Variants in PLCB1 observed in about 807,000 individuals in gnomAD.
PLCB1 encodes the protein 1-phosphatidylinositol 4,5-bisphosphate phosphodiesterase beta-1.
In PLCB1, 46 loss-of-function variants were observed where a neutral mutation model predicts 161.8. The ratio of observed to expected loss-of-function variants is 0.28; its 90% CI spans 0.22 to 0.36. PLCB1 has a LOEUF of 0.36. Ranked by LOEUF, PLCB1 falls within the 10% of genes least tolerant of loss-of-function variation. The pLI is 1.00. For missense variants in PLCB1, 1,016 were observed against 1,472.5 expected, an observed-to-expected ratio of 0.69 and a Z score of 5.07; for synonymous variants, 517 against 503.7, an observed-to-expected ratio of 1.03 and a Z score of -0.35.
intron 2 of PLCB1, among the ~76,000 whole-genome samples, chr20:8,247,641 A>AAC (rs113727213): frequency 0.065 from 9,565 of 147,290 alleles, 450 homozygotes; most frequent in African/African-American, 0.14. Flanking sequence ...CATACACGCA[A>AAC]ACACACACAC....
intron 31 of PLCB1, among the ~76,000 whole-genome samples, chr20:8,859,592 A>G (rs193222654): frequency 1.5e-3 from 222 of 152,096 alleles, no homozygotes; most frequent in African/African-American, 4.9e-3. Flanking sequence ...TTTTAACTTC[A>G]GTCTTCTAGT....
intron 2 of PLCB1, among the ~76,000 whole-genome samples, chr20:8,155,994 C>T (rs898560475): frequency 2.0e-5 from 3 of 152,238 alleles, no homozygotes; most frequent in African/African-American, 7.2e-5. Context: ...CTTTCCTTCA[C>T]CTTCCTTGAA....
At chr20:8,644,848 CG>C (rs1989112090) in intron 4 of PLCB1, among the ~76,000 whole-genome samples, 1 of 152,036 alleles carries the variant, frequency 6.6e-6, no homozygotes, top group Non-Finnish European at 1.5e-5. Context: ...TCATTGAGAA[CG>C]GGCCAGGATG....
intron 10 of PLCB1, among the ~76,000 whole-genome samples, chr20:8,689,575 T>C (rs569597688): frequency 6.6e-6 from 1 of 152,278 alleles, no homozygotes; most frequent in African/African-American, 2.4e-5. Flanking sequence ...CCTAACAGAT[T>C]ATACATACTA....
chr20:8,187,173 AC>A (rs2051914791), intron 2 of PLCB1, among the ~76,000 whole-genome samples: 3 of 152,012 alleles, frequency 2.0e-5, no homozygotes, highest in African/African-American at 7.2e-5. Flanking sequence ...CACTATCTTT[AC>A]CTGGCATGCC....
At chr20:8,222,694 C>T (rs1979476227) in intron 2 of PLCB1, among the ~76,000 whole-genome samples, 1 of 152,056 alleles carries the variant, frequency 6.6e-6, no homozygotes, top group African/African-American at 2.4e-5. Context: ...TTTGGGACTC[C>T]AATTACATGC....
chr20:8,138,633 G>A (rs1443948620), intron 1 of PLCB1, among the ~76,000 whole-genome samples: 1 of 152,014 alleles, frequency 6.6e-6, no homozygotes, highest in Non-Finnish European at 1.5e-5. Context: ...GCCCCTATGT[G>A]TAAGTAGGCA....
intron 2 of PLCB1, among the ~76,000 whole-genome samples, chr20:8,158,002 G>A (rs989486914): frequency 5.9e-5 from 9 of 152,086 alleles, no homozygotes; most frequent in African/African-American, 1.7e-4. Flanking sequence ...TTCATAAGTT[G>A]CATATATTTA....
chr20:8,732,750 T>A (rs1600283680), intron 18 of PLCB1, among the ~76,000 whole-genome samples: 1 of 141,928 alleles, frequency 7.0e-6, no homozygotes, highest in East Asian at 2.0e-4. Flanking sequence ...ATGATATATT[T>A]AATACATTAG....
chr20:8,299,678 C>T (rs1983806297), intron 2 of PLCB1, among the ~76,000 whole-genome samples: 1 of 152,168 alleles, frequency 6.6e-6, no homozygotes. Flanking sequence ...CTCAATCTTT[C>T]CTTTTTAGTA....
At chr20:8,456,378 G>A (rs1230863694) in intron 3 of PLCB1, among the ~76,000 whole-genome samples, 2 of 152,092 alleles carry the variant, frequency 1.3e-5, no homozygotes, top group Admixed American at 1.3e-4. Flanking sequence ...TGAAAAGTTT[G>A]GGGTGAGTAT....
chr20:8,168,068 T>A (rs1200540656), intron 2 of PLCB1, among the ~76,000 whole-genome samples: 2 of 152,118 alleles, frequency 1.3e-5, no homozygotes, highest in African/African-American at 4.8e-5. Context: ...CTCTGGTAGT[T>A]CACTGGCAGA....
chr20:8,843,535 G>A (rs1300641604), intron 31 of PLCB1, among the ~76,000 whole-genome samples: 1 of 151,808 alleles, frequency 6.6e-6, no homozygotes, highest in African/African-American at 2.4e-5. Context: ...CCCCATCATA[G>A]GCATATTCAC....
intron 3 of PLCB1, among the ~76,000 whole-genome samples, chr20:8,540,874 G>A: frequency 6.6e-6 from 1 of 152,030 alleles, no homozygotes; most frequent in East Asian, 1.9e-4. Context: ...GCTATTCTAA[G>A]CCAGTGATTT....
intron 11 of PLCB1, 100 bp downstream of exon 11, chr20:8,697,883 T>A: frequency 9.5e-7 from 1 of 1,049,652 alleles, no homozygotes; most frequent in Non-Finnish European, 1.4e-6. Context: ...CACAATTAAG[T>A]CCAAAGGCTG....
At chr20:8,234,037 A>C (rs1980202483) in intron 2 of PLCB1, among the ~76,000 whole-genome samples, 1 of 152,068 alleles carries the variant, frequency 6.6e-6, no homozygotes. Context: ...TGGGTATTCT[A>C]GTGTTCATAT....
At chr20:8,161,037 G>A (rs188684334) in intron 2 of PLCB1, among the ~76,000 whole-genome samples, 58 of 151,990 alleles carry the variant, frequency 3.8e-4, no homozygotes, top group South Asian at 2.5e-3. Context: ...CCTTTTTATC[G>A]TTGTTATCAT....
At chr20:8,528,042 A>G (rs1340141632) in intron 3 of PLCB1, among the ~76,000 whole-genome samples, 1 of 152,116 alleles carries the variant, frequency 6.6e-6, no homozygotes, top group African/African-American at 2.4e-5. Flanking sequence ...GGTAACAATG[A>G]CGTAATTGAT....
In PLCB1 at chr20:8,376,446, C is replaced by T. The variant is rs1987082777; in HGVS notation, c.246+4996C>T. On this transcript the variant is annotated intron_variant, in intron 3 of 31. Transcript: ENST00000338037. Reference sequence around the variant, plus strand: ...CTACATAAACATGATAGCTTTTTTACTTCATTCTTTATTGATTCATTGATT... The same window carrying T: ...CTACATAAACATGATAGCTTTTTTATTTCATTCTTTATTGATTCATTGATT... Among the ~76,000 whole-genome samples, 5 of 152,092 alleles carry T rather than the reference C, an allele frequency of 3.3e-5. 1 individual carries two copies. The South Asian group carries it at 1.0e-3, about 32-fold the overall frequency.
Sources: gnomAD v4.1 joint callset for allele counts (sites outside exome capture counted in the v4.1 genomes callset) on GRCh38, gnomAD v4.1.1 for gene constraint, MANE v1.5 for transcripts, NCBI Gene and HGNC (gene_info 2026-07-23, HGNC 2026-07-21) for gene names.